The following KIAA1217 variants were observed in gnomAD, a reference collection of about 807,000 sequenced individuals.
The protein encoded by KIAA1217 is sickle tail protein homolog.
KIAA1217 carries 88 observed loss-of-function variants against 163.9 expected under a neutral mutation model. That is an observed-to-expected ratio of 0.54 (90% CI 0.45 to 0.64). The LOEUF is 0.64. Among genes scored for constraint, KIAA1217 ranks in the 30% least tolerant of loss-of-function variants. KIAA1217 has a pLI of 0.00. For synonymous variants in KIAA1217, 903 were observed against 923.1 expected, an observed-to-expected ratio of 0.98 and a Z score of 0.39; for missense variants, 2,372 against 2,475.0, an observed-to-expected ratio of 0.96 and a Z score of 0.88.
intron 5 of KIAA1217, among the ~76,000 whole-genome samples, chr10:24,455,719 G>C (rs922371417): frequency 1.2e-4 from 19 of 152,178 alleles, no homozygotes; most frequent in African/African-American, 4.1e-4. Context: ...AAAAGAGAAT[G>C]ATCCAATGCC....
At chr10:24,099,045 A>G (rs1166069496) in intron 2 of KIAA1217, among the ~76,000 whole-genome samples, 2 of 151,850 alleles carry the variant, frequency 1.3e-5, no homozygotes, top group Non-Finnish European at 2.9e-5. Flanking sequence ...ACAGCAAGAA[A>G]AGCCATCAGG....
At position 24,366,001 on chromosome 10, in the gene KIAA1217, C is replaced by T. The variant is rs16924649; in HGVS notation, c.355-14868C>T. 0.016 allele frequency among the ~76,000 whole-genome samples: 2,427 copies of T among 152,174 alleles called. 121 individuals carry two copies. The South Asian group carries it at 0.19, about 12-fold the overall frequency. ...TAGTCCTTATGGATATGTGTATATG[C>T]GTGTGCAGTAAGATATGCAGCTATG... On this transcript the variant is annotated intron_variant, in intron 2 of 20. Coordinates refer to ENST00000376454, the MANE Select transcript of KIAA1217 (RefSeq NM_019590.5).
intron 2 of KIAA1217, among the ~76,000 whole-genome samples, chr10:24,233,659 T>G (rs998103205): frequency 1.3e-5 from 2 of 152,198 alleles, no homozygotes; most frequent in African/African-American, 4.8e-5. Context: ...ACTTTTAAAT[T>G]TCGCTTAAAG....
chr10:24,193,443 A>G (rs1412989728), intron 2 of KIAA1217, among the ~76,000 whole-genome samples: 1 of 152,232 alleles, frequency 6.6e-6, no homozygotes, highest in African/African-American at 2.4e-5. Flanking sequence ...AGCCCTGTGT[A>G]GACAATGGGG....
chr10:24,402,049 A>G (rs144931358), intron 3 of KIAA1217, among the ~76,000 whole-genome samples: 203 of 152,318 alleles, frequency 1.3e-3, no homozygotes, highest in African/African-American at 4.5e-3. Context: ...AAGAAGTCAA[A>G]GACCTAATAA....
intron 2 of KIAA1217, among the ~76,000 whole-genome samples, chr10:24,190,547 C>A (rs115991209): frequency 1.3e-5 from 2 of 152,146 alleles, no homozygotes; most frequent in Admixed American, 1.3e-4. Flanking sequence ...TTTCCCACAG[C>A]AGGATTGCCC....
chr10:24,335,535 T>C (rs953265519), intron 2 of KIAA1217, among the ~76,000 whole-genome samples: 1 of 151,770 alleles, frequency 6.6e-6, no homozygotes, highest in Non-Finnish European at 1.5e-5. Flanking sequence ...CCTGTGAATA[T>C]GCTAAAAACC....
At chr10:24,437,854 T>TG (rs1176179901) in intron 4 of KIAA1217, among the ~76,000 whole-genome samples, 2 of 148,756 alleles carry the variant, frequency 1.3e-5, no homozygotes, top group African/African-American at 4.9e-5. Context: ...TTTTTTTTTT[T>TG]TTTTCTGGAC....
chr10:24,093,185 T>A (rs2062008876), intron 2 of KIAA1217, among the ~76,000 whole-genome samples: 2 of 151,330 alleles, frequency 1.3e-5, no homozygotes, highest in Admixed American at 6.6e-5. Flanking sequence ...TTATTTATTT[T>A]TTGAGACGGA....
chr10:24,147,832 CAAAAAAAAAAAAAAAAA>C (rs1176106711), intron 2 of KIAA1217, among the ~76,000 whole-genome samples: 7 of 20,772 alleles, frequency 3.4e-4, no homozygotes, highest in African/African-American at 8.5e-4. Flanking sequence ...TACTCTGTCT[CAAAAAAAAAAAAAAAAA>C]AAAAAAAAAA....
At chr10:24,067,999 G>T (rs1439477420) in intron 2 of KIAA1217, among the ~76,000 whole-genome samples, 1 of 152,234 alleles carries the variant, frequency 6.6e-6, no homozygotes, top group African/African-American at 2.4e-5. Context: ...GAAAAGTGCA[G>T]TATTAGGGTG....
chr10:24,154,868 A>G (rs1299384661), intron 2 of KIAA1217, among the ~76,000 whole-genome samples: 2 of 151,216 alleles, frequency 1.3e-5, no homozygotes, highest in Non-Finnish European at 2.9e-5. Context: ...CAAAGGTTGC[A>G]GTGAGCCAAG....
intron 11 of KIAA1217, among the ~76,000 whole-genome samples, chr10:24,520,670 A>ATG (rs1259713167): frequency 2.0e-5 from 2 of 100,646 alleles, no homozygotes; most frequent in Non-Finnish European, 3.8e-5. Flanking sequence ...ATATATATAT[A>ATG]TATATACACA....
At chr10:23,758,579 T>C (rs979636226) in intron 1 of KIAA1217, among the ~76,000 whole-genome samples, 4 of 151,452 alleles carry the variant, frequency 2.6e-5, no homozygotes, top group Non-Finnish European at 5.9e-5. Flanking sequence ...TTCTTTTTCC[T>C]TTTCTTGATT....
In KIAA1217 at chr10:24,160,766, A is replaced by G. The variant is rs560538986; in HGVS notation, c.-170-58860A>G. ...AGCAGCTGAATAAATTGAGTATATTAGAGACACAAATTTCTAGGACTTGTA... is the reference window on the plus strand; with the variant it reads ...AGCAGCTGAATAAATTGAGTATATTGGAGACACAAATTTCTAGGACTTGTA... On this transcript the variant is annotated intron_variant, in intron 2 of 18. Transcript: ENST00000376462. 2.0e-5 allele frequency among the ~76,000 whole-genome samples: 3 copies of G among 152,326 alleles called. No homozygotes were observed. In the South Asian group the frequency reaches 6.2e-4, roughly 32 times the overall value.
At chr10:23,970,928 C>A (rs1845288324) in intron 1 of KIAA1217, among the ~76,000 whole-genome samples, 1 of 152,082 alleles carries the variant, frequency 6.6e-6, no homozygotes, top group Non-Finnish European at 1.5e-5. Context: ...GTGAGGAGAC[C>A]AAGGCAAGTT....
At chr10:24,227,754 G>A (rs899552205) in intron 2 of KIAA1217, among the ~76,000 whole-genome samples, 2 of 151,358 alleles carry the variant, frequency 1.3e-5, no homozygotes, top group Admixed American at 6.6e-5. Flanking sequence ...GGATGGTCTC[G>A]AGCTCCTGGC....
At position 24,353,313 on chromosome 10, in the gene KIAA1217, C is replaced by A. The variant is rs186462883; in HGVS notation, c.355-27556C>A. 3.3e-5 allele frequency among the ~76,000 whole-genome samples: 5 copies of A among 152,262 alleles called. No homozygotes were observed. In the East Asian group the frequency reaches 5.8e-4, roughly 18 times the overall value. On this transcript the variant is annotated intron_variant, in intron 2 of 20. Transcript: ENST00000376454. ...TTTGTTTGTTACAATCTCTGTTTGT[C>A]CTTCTCTTTCAAACATATTTCTCAT...
chr10:24,059,960 C>T (rs1397142467), intron 2 of KIAA1217, among the ~76,000 whole-genome samples: 3 of 152,174 alleles, frequency 2.0e-5, no homozygotes, highest in Non-Finnish European at 4.4e-5. Context: ...AATTTGTTGG[C>T]ATACAGTAGT....
Sources: gnomAD v4.1 joint callset for allele counts (sites outside exome capture counted in the v4.1 genomes callset) on GRCh38, gnomAD v4.1.1 for gene constraint, MANE v1.5 for transcripts, NCBI Gene and HGNC (gene_info 2026-07-23, HGNC 2026-07-21) for gene names.